Variants in RBM48 observed in about 807,000 individuals in gnomAD.
RBM48 encodes the protein RNA-binding protein 48.
A neutral mutation model predicts 34.8 loss-of-function variants in RBM48; 32 were observed. The observed-to-expected ratio is 0.92, with a 90% confidence interval of 0.69 to 1.23. RBM48 has a LOEUF of 1.23. Among genes scored for constraint, RBM48 ranks in the 50% most tolerant of loss-of-function variants. RBM48 has a pLI of 0.00. For missense variants in RBM48, 441 were observed against 447.2 expected, an observed-to-expected ratio of 0.99 and a Z score of 0.12; for synonymous variants, 151 against 156.2, an observed-to-expected ratio of 0.97 and a Z score of 0.25.
Position 92,532,454 on chromosome 7 carries a change from A to T in RBM48, c.353A>T (p.His118Leu), listed in dbSNP as rs1301176885. 1 of 1,612,286 alleles carries T rather than the reference A, an allele frequency of 6.2e-7. No homozygotes were observed. The highest frequency in any genetic ancestry group is 1.7e-5 in the Admixed American group (1 of 59,986). ...DEQSFFGGLL[H>L]VCYAPEFETV... ...CAGAGTTTCTTCGGTGGATTGCTTC[A>T]TGTGTGCTATGCTCCAGAATTTGAA... The change falls in exon 3 of 5, where the codon CAT becomes CTT. Residue 118 changes from histidine to leucine, a missense_variant. By Grantham distance (99) the His-to-Leu change is moderately conservative (BLOSUM62 -3). Transcript: ENST00000265732.
Position 92,529,479 on chromosome 7 carries a change from T to C in RBM48, c.115T>C (p.Tyr39His). 3.2e-6 allele frequency: 5 copies of C among 1,585,452 alleles called. No homozygotes were observed. ...EGRRPRAVKVYTINLESQYLL... is the reference protein window; with the variant it reads ...EGRRPRAVKVHTINLESQYLL... ...AATAACTCTGCATTTCTTTCAGGTA[T>C]ATACAATCAATTTGGAATCTCAGTA... The change falls in exon 2 of 5, where the codon TAT (tyrosine) becomes CAT (histidine). Residue 39 changes from tyrosine (Y) to histidine (H), a missense_variant. Physicochemically the swap from Tyr to His is moderately conservative, Grantham distance 83 (BLOSUM62 2). Transcript: ENST00000265732.
In RBM48 at chr7:92,537,929, A is replaced by G. The variant is rs1793763667; in HGVS notation, c.*992A>G. On this transcript the variant is annotated 3_prime_UTR_variant, in exon 5 of 5. Coordinates refer to ENST00000265732, the MANE Select transcript of RBM48 (RefSeq NM_032120.4). ...AGTGATTCACCCACCTCGGCCTCCCAAAGTACTAGGATTATGGGTGTGACC... is the reference window on the plus strand; with the variant it reads ...AGTGATTCACCCACCTCGGCCTCCCGAAGTACTAGGATTATGGGTGTGACC... 2 of 152,206 alleles carry G rather than the reference A, an allele frequency of 1.3e-5. No individual in the cohort carries two copies. The highest frequency in any genetic ancestry group is 2.9e-5 in the Non-Finnish European group (2 of 68,060). 9.4% of individuals were successfully genotyped at this position (152,206 alleles called of 1,614,324 possible). A position where few individuals can be genotyped will look rare whatever the true frequency, so the allele number is the denominator to read the frequency against.
intron 4 of RBM48, chr7:92,535,421 G>A: frequency 9.9e-7 from 1 of 1,013,742 alleles, no homozygotes. Context: ...AGAAGGTGGT[G>A]AGATTTCTAA....
chr7:92,536,804 G>C (rs374897383), intron 4 of RBM48, 47 bp from the exon 5 acceptor site: 61 of 1,525,814 alleles, frequency 4.0e-5, no homozygotes, highest in Middle Eastern at 4.1e-4. Flanking sequence ...ATTTACTCCT[G>C]TGCTATAGAA....
Position 92,528,820 on chromosome 7 carries a change from T to C in RBM48, c.7T>C (p.Ser3Pro). 6.2e-7 allele frequency: 1 copy of C among 1,613,884 alleles called. No individual in the cohort carries two copies. The highest frequency in any genetic ancestry group is 8.5e-7 in the Non-Finnish European group (1 of 1,179,834). The change falls in exon 1 of 5, where the codon TCG becomes CCG. Residue 3 changes from serine to proline, a missense_variant. Coordinates refer to ENST00000265732, the MANE Select transcript of RBM48 (RefSeq NM_032120.4). MA[S>P]SGGELGSLFD... ...GAGGATCAAAGTAGGCAAGATGGCG[T>C]CGAGCGGCGGGGAGCTAGGGAGTTT...
At chr7:92,534,167 G>A (rs1473248643) in intron 3 of RBM48, 4 of 533,080 alleles carry the variant, frequency 7.5e-6, no homozygotes, top group Middle Eastern at 3.3e-4. Context: ...TACTTATGGG[G>A]ATGAAACCAG....
intron 2 of RBM48, 70 bp from the exon 3 acceptor site, chr7:92,532,334 C>A: frequency 7.7e-7 from 1 of 1,302,978 alleles, no homozygotes. Flanking sequence ...CCAGATATTG[C>A]ATACTAGTTA....
At chr7:92,530,177 C>CAA (rs539616414) in intron 2 of RBM48, among the ~76,000 whole-genome samples, 16 of 76,008 alleles carry the variant, frequency 2.1e-4, no homozygotes, top group South Asian at 4.9e-4. Flanking sequence ...AGCTCTGCCT[C>CAA]AAAAAAAAAA....
chr7:92,533,082 A>G (rs934405833), intron 3 of RBM48, among the ~76,000 whole-genome samples: 8 of 152,224 alleles, frequency 5.3e-5, no homozygotes, highest in African/African-American at 1.9e-4. Context: ...GAGAAGTTCT[A>G]CTTTTGACCA....
intron 3 of RBM48, among the ~76,000 whole-genome samples, chr7:92,532,791 G>A (rs139751565): frequency 1.3e-5 from 2 of 152,192 alleles, no homozygotes; most frequent in African/African-American, 2.4e-5. Flanking sequence ...ATAAGTAGAC[G>A]TTAACTAAAT....
In RBM48 at chr7:92,537,286, A is replaced by G. The variant is rs1585280336; in HGVS notation, c.*349A>G. On this transcript the variant is annotated 3_prime_UTR_variant, in exon 5 of 5. Coordinates refer to ENST00000265732, the MANE Select transcript of RBM48 (RefSeq NM_032120.4). ...TTTTTAGTAGAGATGGGTTTTCACC[A>G]TATTGGTCAGGCTGGTCTCGAACTC... The G allele has an allele frequency of 6.2e-6, 1 of 162,158 alleles. No individual in the cohort carries two copies. The highest frequency in any genetic ancestry group is 1.6e-4 in the South Asian group (1 of 6,128). 10.0% of individuals were successfully genotyped at this position (162,158 alleles called of 1,614,324 possible). A position where few individuals can be genotyped will look rare whatever the true frequency, so the allele number is the denominator to read the frequency against.
chr7:92,536,126 T>A (rs1382865328), intron 4 of RBM48: 3 of 982,974 alleles, frequency 3.1e-6, no homozygotes, highest in Non-Finnish European at 3.6e-6. Context: ...TGAGACCCTG[T>A]CTCAAAAAAA....
intron 1 of RBM48, 26 bp downstream of exon 1, chr7:92,528,950 T>C: frequency 6.5e-7 from 1 of 1,537,714 alleles, no homozygotes; most frequent in Non-Finnish European, 9.0e-7. Context: ...TTTCATTCGC[T>C]CTCCTCGGTA....
intron 4 of RBM48, chr7:92,535,387 T>C (rs1793684930): frequency 1.9e-6 from 2 of 1,051,018 alleles, no homozygotes; most frequent in Non-Finnish European, 2.3e-6. Context: ...AAATGCTTAA[T>C]TTGCTTTTGT....
In RBM48 at chr7:92,529,686, A is replaced by G; in HGVS notation, c.302+20A>G. The G allele has an allele frequency of 7.0e-7, 1 of 1,432,418 alleles. No individual in the cohort carries two copies. Among genetic ancestry groups the G allele is most frequent in the South Asian group, 1.3e-5 (1 of 77,886 alleles). The allele number at this position is 1,432,418 out of a possible 1,614,324, so 88.7% of individuals were successfully genotyped here. A position where few individuals can be genotyped will look rare whatever the true frequency, so the allele number is the denominator to read the frequency against. On this transcript the variant is annotated intron_variant, in intron 2 of 4. Coordinates refer to ENST00000265732, the MANE Select transcript of RBM48 (RefSeq NM_032120.4). ...TGCAAGGTAATGTGCAAGTTAAGAAATGACTCATTTCCTCATTTCTTCCAT... is the reference window on the plus strand; with the variant it reads ...TGCAAGGTAATGTGCAAGTTAAGAAGTGACTCATTTCCTCATTTCTTCCAT...
rs1165858759 is a variant in RBM48, at chr7:92,538,057, A to G, written c.*1120A>G. ...CCCTATCTTTAATGGCCTCTTGCCT[A>G]GTGGATTGAATTTGAACATACCAGT... On this transcript the variant is annotated 3_prime_UTR_variant, in exon 5 of 5. Transcript: ENST00000265732. 2 of 152,148 alleles carry G rather than the reference A, an allele frequency of 1.3e-5. No individual in the cohort carries two copies. Among genetic ancestry groups the G allele is most frequent in the Admixed American group, 1.3e-4 (2 of 15,270 alleles). The allele number at this position is 152,148 out of a possible 1,614,324, so 9.4% of individuals were successfully genotyped here. A position where few individuals can be genotyped will look rare whatever the true frequency, so the allele number is the denominator to read the frequency against.
At chr7:92,533,226 A>G (rs2081689535) in intron 3 of RBM48, among the ~76,000 whole-genome samples, 2 of 152,238 alleles carry the variant, frequency 1.3e-5, no homozygotes, top group African/African-American at 2.4e-5. Flanking sequence ...ATCTGCAGAC[A>G]TTGAACTCTA....
At chr7:92,529,905 A>C (rs1793508999) in intron 2 of RBM48, among the ~76,000 whole-genome samples, 1 of 152,168 alleles carries the variant, frequency 6.6e-6, no homozygotes, top group African/African-American at 2.4e-5. Context: ...TTGGCCAGGC[A>C]CGGTGGCTCA....
In RBM48 at chr7:92,535,712, C is replaced by CAAT. The variant is rs148700260; in HGVS notation, c.1017+743_1017+745dup. 2,648 of 984,462 alleles carry CAAT rather than the reference C, an allele frequency of 2.7e-3. 62 individuals are homozygous for CAAT. In the African/African-American group the frequency reaches 0.044, roughly 16 times the overall value. 61.0% of individuals were successfully genotyped at this position (984,462 alleles called of 1,614,324 possible). On this transcript the variant is annotated intron_variant, in intron 4 of 4. Coordinates refer to ENST00000265732, the MANE Select transcript of RBM48 (RefSeq NM_032120.4). ...TTCACATAGTTTTACTCATATTTTA[C>CAAT]AATGTGATTAAGGGAGGCTAAGGTA...
Sources: allele counts gnomAD v4.1 joint callset (sites outside exome capture counted in the v4.1 genomes callset), GRCh38; gene constraint gnomAD v4.1.1; transcripts MANE v1.5; gene names NCBI Gene and HGNC (gene_info 2026-07-23, HGNC 2026-07-21).